Variants in XRRA1 observed in about 807,000 individuals in gnomAD.
The protein encoded by XRRA1 is X-ray radiation resistance associated 1.
XRRA1 carries 69 observed loss-of-function variants against 80.2 expected under a neutral mutation model. The observed-to-expected ratio is 0.86, with a 90% confidence interval of 0.71 to 1.05. XRRA1 has a LOEUF of 1.05. Among genes scored for constraint, XRRA1 ranks in the 50% least tolerant of loss-of-function variants. The probability of loss-of-function intolerance (pLI) is 0.00; values close to 1 mark genes in which losing one functional copy is unlikely to be tolerated. For missense variants in XRRA1, 967 were observed against 976.4 expected (o/e 0.99, Z 0.13); for synonymous variants, 348 against 389.9 (o/e 0.89, Z 1.27).
chr11:74,850,537 A>G (rs1228279988), intron 14 of XRRA1, among the ~76,000 whole-genome samples: 1 of 152,160 alleles, frequency 6.6e-6, no homozygotes, highest in South Asian at 2.1e-4. Context: ...TAGAAAGACT[A>G]AAGTTCAGGA....
intron 14 of XRRA1, 186 bp downstream of exon 14, chr11:74,850,902 A>C: frequency 2.6e-6 from 1 of 378,550 alleles, no homozygotes; most frequent in Non-Finnish European, 4.8e-6. Flanking sequence ...AGTTTAAAAT[A>C]TATTTTCATA....
rs1330173160 is a variant in XRRA1 at position 74,943,524 on chromosome 11, G to GGGGTGTGTGTGT, written c.-5+1493_-5+1494insACACACACACCC. On this transcript the variant is annotated intron_variant, in intron 2 of 18. Transcript: ENST00000684022. ...GGAGGCGAGGGGAAGAGAGTAGGAG[G>GGGGTGTGTGTGT]GTGTGTGTGTGTGTGTGTGTGTGTG... Among the ~76,000 whole-genome samples the GGGGTGTGTGTGT allele has an allele frequency of 4.3e-3, 595 of 137,836 alleles. 4 individuals carry two copies. The highest frequency in any genetic ancestry group is 0.015 in the African/African-American group (577 of 37,354). 90.4% of individuals were successfully genotyped at this position (137,836 alleles called of 152,430 possible). A position where few individuals can be genotyped will look rare whatever the true frequency, so the allele number is the denominator to read the frequency against.
chr11:74,874,349 T>C (rs189315225), intron 10 of XRRA1, among the ~76,000 whole-genome samples: 1 of 151,660 alleles, frequency 6.6e-6, no homozygotes, highest in Non-Finnish European at 1.5e-5. Context: ...CAAGCCTTAC[T>C]TAAGGTACCA....
intron 8 of XRRA1, among the ~76,000 whole-genome samples, chr11:74,907,728 A>C (rs1167219329): frequency 6.6e-6 from 1 of 152,148 alleles, no homozygotes; most frequent in Non-Finnish European, 1.5e-5. Flanking sequence ...CAGCTTTGCC[A>C]CCTAGTAGGG....
chr11:74,888,264 C>T (rs946874630), intron 10 of XRRA1, among the ~76,000 whole-genome samples: 2 of 152,174 alleles, frequency 1.3e-5, no homozygotes, highest in East Asian at 3.8e-4. Flanking sequence ...TGCTGTTCAC[C>T]AATATCTGCT....
intron 15 of XRRA1, among the ~76,000 whole-genome samples, chr11:74,847,079 T>C (rs1196400462): frequency 6.6e-6 from 1 of 152,228 alleles, no homozygotes; most frequent in Non-Finnish European, 1.5e-5. Flanking sequence ...TACTATTTCC[T>C]TTCCTGTCCG....
intron 10 of XRRA1, among the ~76,000 whole-genome samples, chr11:74,888,077 G>C (rs932294028): frequency 6.6e-6 from 1 of 152,168 alleles, no homozygotes; most frequent in African/African-American, 2.4e-5. Context: ...GAGAGTGGTG[G>C]TTCTCCCAGC....
intron 17 of XRRA1, 31 bp downstream of exon 17, chr11:74,844,137 C>T (rs757177021): frequency 3.4e-5 from 54 of 1,594,708 alleles, no homozygotes; most frequent in Non-Finnish European, 4.4e-5. Flanking sequence ...ACTCAGGGGC[C>T]ATTTACACAT....
chr11:74,897,689 T>A (rs1398658460), intron 10 of XRRA1, among the ~76,000 whole-genome samples: 1 of 129,808 alleles, frequency 7.7e-6, no homozygotes, highest in Non-Finnish European at 1.6e-5. Context: ...GAGAGTGGCA[T>A]GACATATTTA....
intron 12 of XRRA1, among the ~76,000 whole-genome samples, chr11:74,854,748 G>A (rs886777579): frequency 1.3e-5 from 2 of 152,036 alleles, no homozygotes; most frequent in African/African-American, 4.8e-5. Flanking sequence ...GGCTGGGCGC[G>A]GTGGCTCAGG....
chr11:74,931,930 AT>A (rs1362003209), intron 5 of XRRA1: 1 of 152,144 alleles, frequency 6.6e-6, no homozygotes, highest in Non-Finnish European at 1.5e-5. Flanking sequence ...TATAAAACTA[AT>A]TTTTGCCAGT....
In XRRA1 at chr11:74,893,561, A is replaced by T. The variant is rs187428745; in HGVS notation, c.1003+12678T>A. On this transcript the variant is annotated intron_variant, in intron 10 of 18. Coordinates refer to ENST00000684022, the MANE Select transcript of XRRA1 (RefSeq NM_001378157.1). Reference sequence around the variant, plus strand: ...TAAAACTTGAAGTATAATAAAAAATAAAAATAAATAAAAAAATAAAGACTT... The same window carrying T: ...TAAAACTTGAAGTATAATAAAAAATTAAAATAAATAAAAAAATAAAGACTT... Among the ~76,000 whole-genome samples the T allele has an allele frequency of 1.9e-4, 29 of 152,188 alleles. No individual in the cohort carries two copies. The East Asian group carries it at 5.0e-3, about 26-fold the overall frequency.
In XRRA1 at chr11:74,906,362, C is replaced by T. The variant is rs1422998576; in HGVS notation, c.880G>A (p.Gly294Ser). Residue 294 changes from glycine to serine, a missense_variant, in exon 10 of 19, where the codon GGC becomes AGC. Gly to Ser is a moderately conservative substitution (Grantham distance 56). Transcript: ENST00000684022. ...LYDESVDWNG[G>S]RGSPHKEPQF... ...GGCTCTTTATGGGGACTTCCCCTGC[C>T]TCCATTCCAGTCTACTGACTCGTCA... 34 of 1,614,020 alleles carry T rather than the reference C, an allele frequency of 2.1e-5. No individual in the cohort carries two copies. The highest frequency in any genetic ancestry group is 4.5e-5 in the East Asian group (2 of 44,886).
chr11:74,848,442 C>T lies in XRRA1; in HGVS notation c.1401G>A (p.Lys467=). The stretch of plus-strand genomic sequence containing the variant: ...GGAGCACCAGAGGCTGCTTCGGCAC[C>T]TTTGGGATTTCGCTTTTCACCTGTC... ...ESWKVKSEIP[K]VPKQPLVLHH... Residue 467 remains lysine, a synonymous_variant, in exon 15 of 19, where the codon AAG becomes AAA. Coordinates refer to ENST00000684022, the MANE Select transcript of XRRA1 (RefSeq NM_001378157.1). 1 of 1,609,332 alleles carries T rather than the reference C, an allele frequency of 6.2e-7. No homozygotes were observed. The highest frequency in any genetic ancestry group is 8.5e-7 in the Non-Finnish European group (1 of 1,176,576).
chr11:74,845,251 G>A lies in XRRA1; in HGVS notation c.1749C>T (p.Ser583=), dbSNP rs371784114. 7 of 1,613,298 alleles carry A rather than the reference G, an allele frequency of 4.3e-6. No individual in the cohort carries two copies. Among genetic ancestry groups the A allele is most frequent in the South Asian group, 2.2e-5 (2 of 90,994 alleles). Residue 583 remains serine, a synonymous_variant, in exon 16 of 19, where the codon TCC becomes TCT. Transcript: ENST00000684022. ...FLTQVSELPS[S]VIHKDDLELK... is the part of the protein sequence containing the mutation. Reference sequence around the variant, plus strand: ...ACTCTAAATCATCCTTATGGATGACGGAGGAAGGCAGTTCACTCACCTGTG... The same window carrying A: ...ACTCTAAATCATCCTTATGGATGACAGAGGAAGGCAGTTCACTCACCTGTG...
At chr11:74,866,322 T>C (rs1482661718) in intron 10 of XRRA1, among the ~76,000 whole-genome samples, 1 of 152,116 alleles carries the variant, frequency 6.6e-6, no homozygotes, top group African/African-American at 2.4e-5. Context: ...GACATGAACA[T>C]TGCTTACTGC....
chr11:74,861,363 C>T (rs2042258701), intron 11 of XRRA1, among the ~76,000 whole-genome samples: 1 of 152,208 alleles, frequency 6.6e-6, no homozygotes, highest in Admixed American at 6.5e-5. Context: ...GCCTGAGCTG[C>T]ACCTCCTGTC....
At chr11:74,941,003 G>T in intron 2 of XRRA1, 121 bp from the exon 3 acceptor site, 2 of 683,250 alleles carry the variant, frequency 2.9e-6, no homozygotes, top group Non-Finnish European at 5.0e-6. Flanking sequence ...CCCTGCCTCC[G>T]ACACCCTGGA....
intron 10 of XRRA1, among the ~76,000 whole-genome samples, chr11:74,866,883 A>G (rs1439964403): frequency 6.6e-6 from 1 of 152,158 alleles, no homozygotes; most frequent in Non-Finnish European, 1.5e-5. Context: ...TAGGGTTGCT[A>G]AAGTTAAAGA....
Sources: allele counts gnomAD v4.1 joint callset (sites outside exome capture counted in the v4.1 genomes callset), GRCh38; gene constraint gnomAD v4.1.1; transcripts MANE v1.5; gene names NCBI Gene and HGNC (gene_info 2026-07-23, HGNC 2026-07-21).